The following VAT1L variants were observed in gnomAD, a reference collection of about 807,000 sequenced individuals.
VAT1L encodes vesicle amine transport 1 like, also known as putative NADPH-dependent quinone oxidoreductase VAT1L.
A neutral mutation model predicts 44.1 loss-of-function variants in VAT1L; 34 were observed. That is an observed-to-expected ratio of 0.77 (90% CI 0.59 to 1.03). VAT1L has a LOEUF of 1.03. Among genes scored for constraint, VAT1L ranks in the 50% least tolerant of loss-of-function variants. The probability of loss-of-function intolerance (pLI) is 0.00; values close to 1 mark genes in which losing one functional copy is unlikely to be tolerated. For missense variants in VAT1L, 615 were observed against 538.8 expected (o/e 1.14, Z -1.40); for synonymous variants, 253 against 202.2 (o/e 1.25, Z -2.13).
intron 7 of VAT1L, among the ~76,000 whole-genome samples, 193 bp from the exon 8 acceptor site, chr16:77,971,657 C>A (rs768335111): frequency 6.6e-6 from 1 of 152,132 alleles, no homozygotes; most frequent in Non-Finnish European, 1.5e-5. Context: ...GATGTTTGCA[C>A]AAGATCAGTG....
At chr16:77,941,804 G>C (rs570331239) in intron 7 of VAT1L, among the ~76,000 whole-genome samples, 27 of 152,148 alleles carry the variant, frequency 1.8e-4, no homozygotes, top group African/African-American at 6.5e-4. Flanking sequence ...GGCCAGGCTG[G>C]TCTCAAACTC....
intron 7 of VAT1L, among the ~76,000 whole-genome samples, chr16:77,969,204 G>T (rs1366460610): frequency 6.6e-6 from 1 of 152,134 alleles, no homozygotes; most frequent in Non-Finnish European, 1.5e-5. Flanking sequence ...CCCAAGTCTG[G>T]GTCTGTTTAG....
At chr16:77,836,593 G>A (rs1000825581) in intron 3 of VAT1L, among the ~76,000 whole-genome samples, 5 of 152,122 alleles carry the variant, frequency 3.3e-5, no homozygotes, top group Non-Finnish European at 5.9e-5. Context: ...GTTGTGGAAC[G>A]AGGGCCCCGC....
intron 6 of VAT1L, among the ~76,000 whole-genome samples, chr16:77,883,300 C>T (rs2017174261): frequency 6.6e-6 from 1 of 152,146 alleles, no homozygotes; most frequent in Non-Finnish European, 1.5e-5. Flanking sequence ...TAACCAGCAC[C>T]AAAGGAAAAG....
Position 77,933,792 on chromosome 16 carries a change from A to G in VAT1L, c.1078-38058A>G, listed in dbSNP as rs528377143. 3.9e-5 allele frequency among the ~76,000 whole-genome samples: 6 copies of G among 152,322 alleles called. No homozygotes were observed. The South Asian group carries it at 1.2e-3, about 32-fold the overall frequency. ...ACAATAAGGCAAATACGACTGGAGCAAGGAAGTGAAGGGGACAACAGTAAA... is the reference window on the plus strand; with the variant it reads ...ACAATAAGGCAAATACGACTGGAGCGAGGAAGTGAAGGGGACAACAGTAAA... On this transcript the variant is annotated intron_variant, in intron 7 of 8. Transcript: ENST00000302536.
chr16:77,971,771 T>C, intron 7 of VAT1L, 79 bp from the exon 8 acceptor site: 1 of 1,471,438 alleles, frequency 6.8e-7, no homozygotes, highest in African/African-American at 1.4e-5. Flanking sequence ...CACTTGACAG[T>C]TTGAGTTCTC....
At chr16:77,812,123 C>A (rs1056391381) in intron 1 of VAT1L, among the ~76,000 whole-genome samples, 2 of 151,588 alleles carry the variant, frequency 1.3e-5, no homozygotes, top group Non-Finnish European at 2.9e-5. Flanking sequence ...GCTCTGCCAC[C>A]CAGGCTGGAG....
At chr16:77,944,382 A>G (rs960512805) in intron 7 of VAT1L, among the ~76,000 whole-genome samples, 1 of 152,188 alleles carries the variant, frequency 6.6e-6, no homozygotes, top group Non-Finnish European at 1.5e-5. Flanking sequence ...CCCCAGGCAG[A>G]GGTATAAAGA....
rs1388663862 is a variant in VAT1L at position 77,796,065 on chromosome 16, A to T, written c.233+7150A>T. On this transcript the variant is annotated intron_variant, in intron 1 of 8. Coordinates refer to ENST00000302536, the MANE Select transcript of VAT1L (RefSeq NM_020927.3). ...GGTCTCGAATTCCTGACCTCAGGTG[A>T]TCTGCCCGCCTCGGCCTCCCAAAGT... Among the ~76,000 whole-genome samples, 4 of 152,048 alleles carry T rather than the reference A, an allele frequency of 2.6e-5. No individual in the cohort carries two copies. In the East Asian group the frequency reaches 5.8e-4, roughly 22 times the overall value.
chr16:77,846,898 A>G (rs1346390976), intron 3 of VAT1L, among the ~76,000 whole-genome samples: 1 of 152,228 alleles, frequency 6.6e-6, no homozygotes, highest in African/African-American at 2.4e-5. Context: ...TTGATAATAC[A>G]TATTAGAAAA....
At chr16:77,938,471 C>T (rs1040373660) in intron 7 of VAT1L, among the ~76,000 whole-genome samples, 1 of 152,132 alleles carries the variant, frequency 6.6e-6, no homozygotes, top group Non-Finnish European at 1.5e-5. Context: ...GGAGGAGGGG[C>T]TGGGTGGGAG....
intron 5 of VAT1L, among the ~76,000 whole-genome samples, chr16:77,876,922 A>G (rs1212266695): frequency 6.6e-6 from 1 of 152,180 alleles, no homozygotes; most frequent in Non-Finnish European, 1.5e-5. Flanking sequence ...TGCTTCCCCT[A>G]AACTACTCCT....
intron 3 of VAT1L, among the ~76,000 whole-genome samples, chr16:77,828,417 A>G (rs963511650): frequency 6.6e-6 from 1 of 152,092 alleles, no homozygotes; most frequent in African/African-American, 2.4e-5. Context: ...TAATCCCAGC[A>G]CTTTGGGAGG....
At chr16:77,927,031 G>A (rs1442164974) in intron 7 of VAT1L, among the ~76,000 whole-genome samples, 1 of 152,082 alleles carries the variant, frequency 6.6e-6, no homozygotes, top group Admixed American at 6.5e-5. Context: ...ATTTCCTGAG[G>A]AATTAGTACA....
At chr16:77,955,772 A>G (rs1231046885) in intron 7 of VAT1L, among the ~76,000 whole-genome samples, 3 of 149,182 alleles carry the variant, frequency 2.0e-5, no homozygotes, top group Admixed American at 2.0e-4. Context: ...GAAATGACCC[A>G]GGGACAAGCA....
At chr16:77,847,852 C>A (rs1417343075) in intron 3 of VAT1L, among the ~76,000 whole-genome samples, 5 of 152,120 alleles carry the variant, frequency 3.3e-5, no homozygotes, top group Non-Finnish European at 7.3e-5. Flanking sequence ...AAGTATGCTA[C>A]CCAAAAATTG....
At chr16:77,839,586 T>C (rs1370352169) in intron 3 of VAT1L, among the ~76,000 whole-genome samples, 1 of 93,638 alleles carries the variant, frequency 1.1e-5, no homozygotes, top group Non-Finnish European at 2.1e-5. Context: ...GGCAAGAACA[T>C]GAGACCTGGG....
intron 5 of VAT1L, among the ~76,000 whole-genome samples, chr16:77,878,855 C>T (rs1191176978): frequency 6.6e-6 from 1 of 152,140 alleles, no homozygotes; most frequent in African/African-American, 2.4e-5. Flanking sequence ...AAGAACAGAC[C>T]TAAAAAGACA....
chr16:77,925,178 G>A (rs1126047), intron 7 of VAT1L, among the ~76,000 whole-genome samples: 71,648 of 151,792 alleles, frequency 0.47, 17,811 homozygotes, highest in Middle Eastern at 0.64. Context: ...AAGGTACCTA[G>A]TGTACACAAT....
Sources: gnomAD v4.1 joint callset for allele counts (sites outside exome capture counted in the v4.1 genomes callset) on GRCh38, gnomAD v4.1.1 for gene constraint, MANE v1.5 for transcripts, NCBI Gene and HGNC (gene_info 2026-07-23, HGNC 2026-07-21) for gene names.